The following F9 variants were observed in gnomAD, a reference collection of about 807,000 sequenced individuals.
The protein encoded by F9 is coagulation factor IX, also known as Christmas factor.
In F9, 2 loss-of-function variants were observed where a neutral mutation model predicts 34.1. That is an observed-to-expected ratio of 0.06 (90% CI 0.02 to 0.18). F9 has a LOEUF of 0.18. F9 is among the 10% of genes least tolerant of loss of function. The pLI, the probability that F9 is intolerant of heterozygous loss-of-function variation, is 1.00. For missense variants in F9, 216 were observed against 345.1 expected (o/e 0.63, Z 2.96); for synonymous variants, 137 against 118.8 (o/e 1.15, Z -1.00).
chrX:139,552,511 T>C (rs1304564356), intron 6 of F9, among the ~76,000 whole-genome samples: 1 of 111,851 alleles, frequency 8.9e-6, no homozygotes, highest in Non-Finnish European at 1.9e-5. Context: ...GGATGGTCCT[T>C]ATATAAAGTT....
Position 139,561,932 on chromosome X carries a change from T to C in F9, c.1247T>C (p.Val416Ala). ...SCQGDSGGPH[V>A]TEVEGTSFLT... The stretch of plus-strand genomic sequence containing the variant: ...CAAGGAGATAGTGGGGGACCCCATG[T>C]TACTGAAGTGGAAGGGACCAGTTTC... Residue 416 changes from valine to alanine, a missense_variant, in exon 8 of 8, where the codon GTT becomes GCT. Physicochemically the swap from Val to Ala is moderately conservative, Grantham distance 64. This residue lies in a region of F9 where 177 missense variants were observed against 311.8 expected (regional missense o/e 0.57). Transcript: ENST00000218099. 1 of 1,212,078 alleles carries C rather than the reference T, an allele frequency of 8.3e-7. No homozygotes were observed. The highest frequency in any genetic ancestry group is 2.2e-5 in the Admixed American group (1 of 46,089).
intron 6 of F9, among the ~76,000 whole-genome samples, chrX:139,552,008 G>A (rs1055638897): frequency 9.1e-6 from 1 of 109,634 alleles, no homozygotes; most frequent in Non-Finnish European, 1.9e-5. Context: ...TGGGCAACAC[G>A]GCGAAACCCC....
chrX:139,538,802 C>G (rs1318145837), intron 3 of F9, among the ~76,000 whole-genome samples: 3 of 110,644 alleles, frequency 2.7e-5, no homozygotes, highest in African/African-American at 9.9e-5. Context: ...CCTACAATCC[C>G]TTCATTGCTC....
At chrX:139,555,684 G>T (rs1019414739) in intron 6 of F9, among the ~76,000 whole-genome samples, 7 of 112,714 alleles carry the variant, frequency 6.2e-5, no homozygotes, top group African/African-American at 2.3e-4. Context: ...GGTCTCTGAA[G>T]AAATACTTCA....
intron 6 of F9, among the ~76,000 whole-genome samples, chrX:139,554,064 T>G (rs1454764434): frequency 2.7e-5 from 3 of 110,070 alleles, no homozygotes; most frequent in Non-Finnish European, 5.7e-5. Context: ...GAAAGTTTAG[T>G]AACTCAAGCA....
intron 1 of F9, among the ~76,000 whole-genome samples, chrX:139,535,345 C>T (rs1257243093): frequency 1.9e-5 from 2 of 106,942 alleles, no homozygotes; most frequent in East Asian, 5.9e-4. Flanking sequence ...GGCGACAGAG[C>T]AAGACTCTGT....
rs1371376890 is a variant in F9 at position 139,541,176 on chromosome X, G to T, written c.378G>T (p.Lys126Asn). ...GGTGTCCCTTTGGATTTGAAGGAAA[G>T]AACTGTGAATTAGGTAAGTAACTAT... ...ECWCPFGFEG[K>N]NCELDVTCNI... is the part of the protein sequence containing the mutation. The change falls in exon 4 of 8, where the codon AAG (lysine) becomes AAT (asparagine). Residue 126 changes from lysine (K) to asparagine (N), a missense_variant. Physicochemically the swap from Lys to Asn is moderately conservative, Grantham distance 94 (BLOSUM62 0). Around this residue, in one of 2 missense-constraint regions of F9, gnomAD observed 177 missense variants for 311.8 expected, o/e 0.57. Transcript: ENST00000218099. The T allele has an allele frequency of 8.5e-7, 1 of 1,176,926 alleles. No individual in the cohort carries two copies. Among genetic ancestry groups the T allele is most frequent in the South Asian group, 1.8e-5 (1 of 56,117 alleles).
intron 5 of F9, among the ~76,000 whole-genome samples, chrX:139,549,342 G>C (rs1222519102): frequency 9.0e-6 from 1 of 111,250 alleles, no homozygotes; most frequent in Non-Finnish European, 1.9e-5. Flanking sequence ...ATACCAGGCA[G>C]AAGAAATTAA....
At chrX:139,557,431 A>G (rs1431422802) in intron 6 of F9, among the ~76,000 whole-genome samples, 1 of 111,976 alleles carries the variant, frequency 8.9e-6, no homozygotes, top group Non-Finnish European at 1.9e-5. Context: ...TCAGACTTAA[A>G]AGAACACAAC....
rs766328088 is a variant in F9 at position 139,537,434 on chromosome X, A to T, written c.277+48A>T. 9 of 1,032,650 alleles carry T rather than the reference A, an allele frequency of 8.7e-6. No individual in the cohort carries two copies. In the East Asian group the frequency reaches 2.1e-4, roughly 24 times the overall value. The allele number at this position is 1,032,650 out of a possible 1,213,427, so 85.1% of individuals were successfully genotyped here. On this transcript the variant is annotated intron_variant, in intron 3 of 7. Transcript: ENST00000218099. ...TAGCTAATATATGAAACATATGAGA[A>T]TTATGTGGGTTTTTTCTCTGCATAA...
Position 139,541,193 on chromosome X carries a change from A to G in F9, c.391+4A>G, listed in dbSNP as rs749754992. 2.6e-5 allele frequency: 29 copies of G among 1,133,277 alleles called. No individual in the cohort carries two copies. The highest frequency in any genetic ancestry group is 3.5e-5 in the Non-Finnish European group (29 of 831,295). The allele number at this position is 1,133,277 out of a possible 1,213,427, so 93.4% of individuals were successfully genotyped here. Reference sequence around the variant, plus strand: ...GAAGGAAAGAACTGTGAATTAGGTAAGTAACTATTTTTTGAATACTCATGG... The same window carrying G: ...GAAGGAAAGAACTGTGAATTAGGTAGGTAACTATTTTTTGAATACTCATGG... On this transcript the variant is annotated splice_donor_region_variant and intron_variant, in intron 4 of 7. Coordinates refer to ENST00000218099, the MANE Select transcript of F9 (RefSeq NM_000133.4).
chrX:139,537,151 T>A lies in F9; in HGVS notation c.230T>A (p.Val77Asp). Reference sequence around the variant, plus strand: ...TGTAGTTTTGAAGAAGCACGAGAAGTTTTTGAAAACACTGAAAGAACAGTG... The same window carrying A: ...TGTAGTTTTGAAGAAGCACGAGAAGATTTTGAAAACACTGAAAGAACAGTG... The part of the protein sequence containing the change: ...EKCSFEEARE[V>D]FENTERTTEF... Residue 77 changes from valine (V) to aspartate (D), a missense_variant, in exon 2 of 8, where the codon GTT (valine) becomes GAT (aspartate). Around this residue, in one of 2 missense-constraint regions of F9, gnomAD observed 177 missense variants for 311.8 expected, o/e 0.57. Transcript: ENST00000218099. 8.3e-7 allele frequency: 1 copy of A among 1,210,722 alleles called. No individual in the cohort carries two copies. The highest frequency in any genetic ancestry group is 1.1e-6 in the Non-Finnish European group (1 of 894,872).
intron 1 of F9, among the ~76,000 whole-genome samples, chrX:139,533,201 G>T (rs1334573185): frequency 8.9e-6 from 1 of 112,182 alleles, no homozygotes; most frequent in Non-Finnish European, 1.9e-5. Context: ...AGGGGAAATG[G>T]CTAGAGTCTT....
At position 139,537,113 on chromosome X, in the gene F9, T is replaced by C. The variant is rs1261374056; in HGVS notation, c.192T>C (p.Cys64=). 22 of 1,211,112 alleles carry C rather than the reference T, an allele frequency of 1.8e-5. No homozygotes were observed. The highest frequency in any genetic ancestry group is 2.5e-5 in the Non-Finnish European group (22 of 894,942). The change falls in exon 2 of 8, where the codon TGT becomes TGC. Residue 64 remains cysteine (C), a synonymous_variant. Coordinates refer to ENST00000218099, the MANE Select transcript of F9 (RefSeq NM_000133.4). The part of the protein sequence containing the change: ...EFVQGNLERE[C]MEEKCSFEEA... ...TTCAAGGGAACCTTGAGAGAGAATG[T>C]ATGGAAGAAAAGTGTAGTTTTGAAG... is the stretch of plus-strand genomic sequence containing the variant.
chrX:139,551,672 A>G (rs977924048), intron 6 of F9, among the ~76,000 whole-genome samples: 2 of 111,139 alleles, frequency 1.8e-5, no homozygotes, highest in African/African-American at 6.5e-5. Flanking sequence ...AAAGGGACTC[A>G]AGGAGGAAGG....
At chrX:139,560,445 TG>T (rs1344720718) in intron 6 of F9, among the ~76,000 whole-genome samples, 2 of 111,915 alleles carry the variant, frequency 1.8e-5, no homozygotes, top group African/African-American at 6.5e-5. Flanking sequence ...AACTGACTCA[TG>T]GGGAAAAAAT....
intron 4 of F9, among the ~76,000 whole-genome samples, chrX:139,542,585 A>G (rs1927626920): frequency 8.9e-6 from 1 of 112,011 alleles, no homozygotes; most frequent in Admixed American, 9.5e-5. Context: ...GGTGGAGCTG[A>G]GGGAATGAGT....
chrX:139,554,446 C>T (rs1206798476), intron 6 of F9, among the ~76,000 whole-genome samples: 1 of 112,574 alleles, frequency 8.9e-6, no homozygotes, highest in African/African-American at 3.2e-5. Flanking sequence ...ATTGTTTCCT[C>T]CACACCACCT....
In F9 at chrX:139,562,253, C is replaced by T. The variant is rs1337258080; in HGVS notation, c.*182C>T. On this transcript the variant is annotated 3_prime_UTR_variant, in exon 8 of 8. Transcript: ENST00000218099. ...GCAAATTGATTAGAAAATGGAACCA[C>T]TAGAGGAATATAATGTGTTAGGAAA... 3 of 453,592 alleles carry T rather than the reference C, an allele frequency of 6.6e-6. No homozygotes were observed. The highest frequency in any genetic ancestry group is 1.1e-5 in the Non-Finnish European group (3 of 267,973). The allele number at this position is 453,592 out of a possible 1,213,427, so 37.4% of individuals were successfully genotyped here. A position where few individuals can be genotyped will look rare whatever the true frequency, so the allele number is the denominator to read the frequency against.
Sources: gnomAD v4.1 joint callset for allele counts (sites outside exome capture counted in the v4.1 genomes callset) on GRCh38, gnomAD v4.1.1 for gene constraint, gnomAD v4.1.1 regional missense constraint, MANE v1.5 for transcripts, NCBI Gene and HGNC (gene_info 2026-07-23, HGNC 2026-07-21) for gene names.